Variants in PICK1 observed in about 807,000 individuals in gnomAD.
PICK1 encodes PRKCA-binding protein.
PICK1 carries 23 observed loss-of-function variants against 48.9 expected under a neutral mutation model. That is an observed-to-expected ratio of 0.47 (90% CI 0.34 to 0.67). PICK1 has a LOEUF of 0.67. Ranked by LOEUF, PICK1 falls within the 30% of genes least tolerant of loss-of-function variation. PICK1 has a pLI of 0.01. For missense variants in PICK1, 423 were observed against 557.1 expected (o/e 0.76, Z 2.42); for synonymous variants, 217 against 228.2 (o/e 0.95, Z 0.44).
Position 38,075,260 on chromosome 22 carries a change from C to G in PICK1, c.*128C>G, listed in dbSNP as rs927956099. The G allele has an allele frequency of 4.4e-6, 4 of 919,094 alleles. No individual in the cohort carries two copies. The highest frequency in any genetic ancestry group is 1.7e-5 in the African/African-American group (1 of 59,708). 56.9% of individuals were successfully genotyped at this position (919,094 alleles called of 1,614,324 possible). A position where few individuals can be genotyped will look rare whatever the true frequency, so the allele number is the denominator to read the frequency against. ...GCTTGGGGCGCCTGCCTCCCTGCTC[C>G]TCTGTCCTCGCACAGCGAACCTGGG... On this transcript the variant is annotated 3_prime_UTR_variant, in exon 13 of 13. Transcript: ENST00000356976.
chr22:38,059,198 G>A, intron 2 of PICK1, 36 bp from the exon 3 acceptor site: 1 of 1,485,020 alleles, frequency 6.7e-7, no homozygotes. Flanking sequence ...TCATCCTTCT[G>A]CCAGGAGAGT....
chr22:38,062,527 C>A (rs1041659304), intron 3 of PICK1, among the ~76,000 whole-genome samples: 1 of 152,132 alleles, frequency 6.6e-6, no homozygotes, highest in Non-Finnish European at 1.5e-5. Context: ...GGATTACAGG[C>A]GTGAGCCACC....
At chr22:38,061,334 C>G (rs1271198133) in intron 3 of PICK1, among the ~76,000 whole-genome samples, 1 of 143,548 alleles carries the variant, frequency 7.0e-6, no homozygotes, top group Non-Finnish European at 1.5e-5. Flanking sequence ...GAGTGAGACT[C>G]CGTCTCAAAA....
At position 38,075,685 on chromosome 22, in the gene PICK1, C is replaced by CA. The variant is rs1281793366; in HGVS notation, c.*556dup. The CA allele has an allele frequency of 2.6e-5, 4 of 155,166 alleles. No individual in the cohort carries two copies. The East Asian group carries it at 7.7e-4, about 30-fold the overall frequency. The allele number at this position is 155,166 out of a possible 1,614,324, so 9.6% of individuals were successfully genotyped here. A position where few individuals can be genotyped will look rare whatever the true frequency, so the allele number is the denominator to read the frequency against. The stretch of plus-strand genomic sequence containing the variant: ...GTTCTGGGCCTGTATCGAATAAACA[C>CA]AAACCTGGATGGCGCAGTGGTCGCA... On this transcript the variant is annotated 3_prime_UTR_variant, in exon 13 of 13. Transcript: ENST00000356976.
At chr22:38,063,080 C>G (rs1304066377) in intron 3 of PICK1, among the ~76,000 whole-genome samples, 3 of 152,058 alleles carry the variant, frequency 2.0e-5, no homozygotes, top group Non-Finnish European at 4.4e-5. Flanking sequence ...TGTCATGTAT[C>G]TCGATGATGA....
In PICK1 at chr22:38,075,181, C is replaced by A. The variant is rs1201741802; in HGVS notation, c.*49C>A. On this transcript the variant is annotated 3_prime_UTR_variant, in exon 13 of 13. Coordinates refer to ENST00000356976, the MANE Select transcript of PICK1 (RefSeq NM_012407.4). Reference sequence around the variant, plus strand: ...GGGCAGGGTGCGTGGGAGGACGGAGCCTGGGAGCGGGGCGGGGCCGCCGCG... The same window carrying A: ...GGGCAGGGTGCGTGGGAGGACGGAGACTGGGAGCGGGGCGGGGCCGCCGCG... 3.2e-6 allele frequency: 5 copies of A among 1,570,954 alleles called. No individual in the cohort carries two copies. Among genetic ancestry groups the A allele is most frequent in the Admixed American group, 3.5e-5 (2 of 56,696 alleles).
chr22:38,074,231 A>T lies in PICK1; in HGVS notation c.835-76A>T, dbSNP rs1469300506. 6.5e-7 allele frequency: 1 copy of T among 1,535,630 alleles called. No homozygotes were observed. Among genetic ancestry groups the T allele is most frequent in the African/African-American group, 1.4e-5 (1 of 73,422 alleles). ...AGAAATGAGGTCTCAGGAATGAAGA[A>T]CAGCCGTGGCTTTGAAAGCACAGTG... On this transcript the variant is annotated intron_variant, in intron 11 of 12. Transcript: ENST00000356976. The surrounding 1 kb of genome is among the most constrained non-coding windows in gnomAD (Gnocchi z 4.5).
chr22:38,069,156 G>A, intron 6 of PICK1, 34 bp downstream of exon 6: 2 of 1,499,122 alleles, frequency 1.3e-6, no homozygotes, highest in Non-Finnish European at 1.8e-6. Flanking sequence ...GGGCCCCGGG[G>A]ACTCAAGCCC....
rs112683637 is a variant in PICK1 at position 38,057,525 on chromosome 22, C to T, written c.-120C>T. On this transcript the variant is annotated 5_prime_UTR_variant, in exon 1 of 13. Coordinates refer to ENST00000356976, the MANE Select transcript of PICK1 (RefSeq NM_012407.4). ...GAGGCAGCTCCCCAGGGCCTGGAGACCCGTGGGGCGGACTCTGGGATCTGA... is the reference window on the plus strand; with the variant it reads ...GAGGCAGCTCCCCAGGGCCTGGAGATCCGTGGGGCGGACTCTGGGATCTGA... The T allele has an allele frequency of 2.2e-4, 109 of 494,902 alleles. No homozygotes were observed. Among genetic ancestry groups the T allele is most frequent in the African/African-American group, 1.9e-3 (96 of 51,780 alleles). The allele number at this position is 494,902 out of a possible 1,614,324, so 30.7% of individuals were successfully genotyped here.
intron 8 of PICK1, 193 bp downstream of exon 8, chr22:38,071,937 G>A (rs368157872): frequency 1.7e-4 from 113 of 649,970 alleles, no homozygotes; most frequent in African/African-American, 1.3e-3. Flanking sequence ...GGGCCGCAAC[G>A]ATGAACAGGC....
rs1378911988 is a variant in PICK1 at position 38,057,881 on chromosome 22, G to C, written c.41+31G>C. The C allele has an allele frequency of 2.5e-6, 4 of 1,574,408 alleles. No homozygotes were observed. The African/African-American group carries it at 5.4e-5, about 21-fold the overall frequency. ...TATTTTATTCCCCCAAGTTCCAGCA[G>C]TATAGGAGCCCCAAGTTCCTCATTT... is the stretch of plus-strand genomic sequence containing the variant. On this transcript the variant is annotated intron_variant, in intron 2 of 12. Transcript: ENST00000356976.
chr22:38,058,057 G>A, intron 2 of PICK1: 1 of 628,764 alleles, frequency 1.6e-6, no homozygotes, highest in South Asian at 1.8e-5. Flanking sequence ...GTGCCATAAG[G>A]GCACTATTAG....
Position 38,075,186 on chromosome 22 carries a change from G to A in PICK1, c.*54G>A. 6.4e-7 allele frequency: 1 copy of A among 1,560,444 alleles called. No individual in the cohort carries two copies. The highest frequency in any genetic ancestry group is 8.7e-7 in the Non-Finnish European group (1 of 1,152,278). ...GGGTGCGTGGGAGGACGGAGCCTGGGAGCGGGGCGGGGCCGCCGCGCAAGG... is the reference window on the plus strand; with the variant it reads ...GGGTGCGTGGGAGGACGGAGCCTGGAAGCGGGGCGGGGCCGCCGCGCAAGG... On this transcript the variant is annotated 3_prime_UTR_variant, in exon 13 of 13. Transcript: ENST00000356976.
In PICK1 at chr22:38,075,304, AC is replaced by A; in HGVS notation, c.*174del. ...ACCTGGGCTCCTGCCCAGGACAGGCACCAGGGTCATGGCCTGGGACCTGGAC... is the reference window on the plus strand; with the variant it reads ...ACCTGGGCTCCTGCCCAGGACAGGCACAGGGTCATGGCCTGGGACCTGGAC... On this transcript the variant is annotated 3_prime_UTR_variant, in exon 13 of 13. Transcript: ENST00000356976. The A allele has an allele frequency of 1.5e-6, 1 of 649,598 alleles. No individual in the cohort carries two copies. Among genetic ancestry groups the A allele is most frequent in the Non-Finnish European group, 2.6e-6 (1 of 384,374 alleles). The allele number at this position is 649,598 out of a possible 1,614,324, so 40.2% of individuals were successfully genotyped here.
chr22:38,059,368 G>A lies in PICK1; in HGVS notation c.153+23G>A, dbSNP rs373824807. ...CAGGTATTGGGCGCTTTGGAGGGGG[G>A]CACAAGGTACATCCCTACTTGGGCA... On this transcript the variant is annotated intron_variant, in intron 3 of 12. Transcript: ENST00000356976. 7 of 1,450,648 alleles carry A rather than the reference G, an allele frequency of 4.8e-6. No homozygotes were observed. The African/African-American group carries it at 5.6e-5, about 12-fold the overall frequency. 89.9% of individuals were successfully genotyped at this position (1,450,648 alleles called of 1,614,324 possible).
In PICK1 at chr22:38,075,243, C is replaced by T. The variant is rs922730360; in HGVS notation, c.*111C>T. ...CGCATAAAGGCCTGCTGGCTTGGGG[C>T]GCCTGCCTCCCTGCTCCTCTGTCCT... On this transcript the variant is annotated 3_prime_UTR_variant, in exon 13 of 13. Coordinates refer to ENST00000356976, the MANE Select transcript of PICK1 (RefSeq NM_012407.4). The T allele has an allele frequency of 2.8e-5, 30 of 1,066,696 alleles. No individual in the cohort carries two copies. Among genetic ancestry groups the T allele is most frequent in the Non-Finnish European group, 3.8e-5 (29 of 758,268 alleles). The allele number at this position is 1,066,696 out of a possible 1,614,324, so 66.1% of individuals were successfully genotyped here.
At chr22:38,061,355 TC>T (rs2085397933) in intron 3 of PICK1, among the ~76,000 whole-genome samples, 1 of 151,148 alleles carries the variant, frequency 6.6e-6, no homozygotes, top group Admixed American at 6.6e-5. Flanking sequence ...ATAATAATAA[TC>T]ATCATCATCA....
chr22:38,069,124 T>C lies in PICK1; in HGVS notation c.439+2T>C. 6.2e-7 allele frequency: 1 copy of C among 1,603,728 alleles called. No homozygotes were observed. The highest frequency in any genetic ancestry group is 8.5e-7 in the Non-Finnish European group (1 of 1,174,996). On this transcript the variant is annotated splice_donor_variant, in intron 6 of 12. Transcript: ENST00000356976. LOFTEE classifies it high-confidence loss of function. ...TGAGCCGGGCCATCCTGTGCAATGGTGAGTCCCTTCCCACCCAGCTGGGGC... is the reference window on the plus strand; with the variant it reads ...TGAGCCGGGCCATCCTGTGCAATGGCGAGTCCCTTCCCACCCAGCTGGGGC...
intron 3 of PICK1, among the ~76,000 whole-genome samples, chr22:38,062,408 T>TGG (rs1345061395): frequency 5.3e-5 from 8 of 152,030 alleles, no homozygotes; most frequent in Non-Finnish European, 1.2e-4. Flanking sequence ...CCACCACGCC[T>TGG]GGCTAATTCT....
Sources: allele counts gnomAD v4.1 joint callset (sites outside exome capture counted in the v4.1 genomes callset), GRCh38; gene constraint gnomAD v4.1.1; non-coding constraint Gnocchi (gnomAD v3.1); transcripts MANE v1.5; gene names NCBI Gene and HGNC (gene_info 2026-07-23, HGNC 2026-07-21).